Variants in TMEM108 observed in about 807,000 individuals in gnomAD.
The protein encoded by TMEM108 is cancer/testis antigen 124.
In TMEM108, 12 loss-of-function variants were observed where a neutral mutation model predicts 35.1. That is an observed-to-expected ratio of 0.34 (90% CI 0.22 to 0.55). The LOEUF is 0.55. Among genes scored for constraint, TMEM108 ranks in the 20% least tolerant of loss-of-function variants. The pLI is 0.89. For synonymous variants in TMEM108, 287 were observed against 308.6 expected, an observed-to-expected ratio of 0.93 and a Z score of 0.73; for missense variants, 680 against 753.3, an observed-to-expected ratio of 0.90 and a Z score of 1.14.
intron 2 of TMEM108, among the ~76,000 whole-genome samples, chr3:133,135,154 A>G (rs1274366709): frequency 7.1e-6 from 1 of 140,168 alleles, no homozygotes; most frequent in Admixed American, 7.3e-5. Flanking sequence ...TTCATCTGCT[A>G]TCGTTTTTTT....
chr3:133,304,997 C>T lies in TMEM108; in HGVS notation c.41-74755C>T, dbSNP rs184502441. Among the ~76,000 whole-genome samples, 535 of 152,096 alleles carry T rather than the reference C, an allele frequency of 3.5e-3. 7 individuals are homozygous for T. Among genetic ancestry groups the T allele is most frequent in the African/African-American group, 1.0e-2 (413 of 41,468 alleles). ...ACTCGGGAGGCTGAGGCAGGAGAAT[C>T]GCTTGAGCCTGGGAGGCAGAGATTA... is the stretch of plus-strand genomic sequence containing the variant. On this transcript the variant is annotated intron_variant, in intron 3 of 5. Coordinates refer to ENST00000321871, the MANE Select transcript of TMEM108 (RefSeq NM_023943.4).
intron 3 of TMEM108, among the ~76,000 whole-genome samples, chr3:133,271,161 G>A (rs568816756): frequency 2.7e-4 from 41 of 152,028 alleles, no homozygotes; most frequent in Non-Finnish European, 5.1e-4. Context: ...CATCCCCAAG[G>A]GGCCAAAATG....
At chr3:133,192,773 C>T (rs11714776) in intron 2 of TMEM108, 36,294 of 152,158 alleles carry the variant, frequency 0.24, 4,517 homozygotes, top group East Asian at 0.48. Context: ...CAGGAGGAAG[C>T]GGGTGAGGCG....
chr3:133,289,839 C>T (rs111943881), intron 3 of TMEM108, among the ~76,000 whole-genome samples: 2,562 of 152,246 alleles, frequency 0.017, 74 homozygotes, highest in African/African-American at 0.057. Flanking sequence ...CCCTGCATTA[C>T]GTTATGCCAC....
chr3:133,066,660 A>C (rs1467422991), intron 2 of TMEM108, among the ~76,000 whole-genome samples: 1 of 152,164 alleles, frequency 6.6e-6, no homozygotes, highest in Non-Finnish European at 1.5e-5. Flanking sequence ...TTAATCTTTA[A>C]AAAGTTAATT....
chr3:133,052,182 A>G (rs1943413375), intron 2 of TMEM108, among the ~76,000 whole-genome samples: 2 of 152,082 alleles, frequency 1.3e-5, no homozygotes, highest in South Asian at 4.1e-4. Flanking sequence ...AGTTTTCCTC[A>G]TATAGATCTT....
At chr3:133,185,709 A>G (rs1328420896) in intron 2 of TMEM108, among the ~76,000 whole-genome samples, 2 of 151,856 alleles carry the variant, frequency 1.3e-5, no homozygotes. Context: ...CTTGCACCCA[A>G]GAATGAGCAG....
At chr3:133,165,672 G>A (rs1039800179) in intron 2 of TMEM108, among the ~76,000 whole-genome samples, 4 of 152,110 alleles carry the variant, frequency 2.6e-5, no homozygotes, top group African/African-American at 4.8e-5. Flanking sequence ...TGACCATCCC[G>A]CAGGCTGAGA....
intron 3 of TMEM108, among the ~76,000 whole-genome samples, chr3:133,263,190 T>C (rs549061370): frequency 6.6e-6 from 1 of 152,296 alleles, no homozygotes; most frequent in Non-Finnish European, 1.5e-5. Flanking sequence ...TAGAGAAAAA[T>C]AATTGAAATA....
At chr3:133,376,284 G>A (rs755582902) in intron 3 of TMEM108, among the ~76,000 whole-genome samples, 3 of 152,052 alleles carry the variant, frequency 2.0e-5, no homozygotes, top group Non-Finnish European at 2.9e-5. Context: ...CTGGAGTGCC[G>A]CAAAAGTTCT....
chr3:133,159,587 G>A (rs1254372576), intron 2 of TMEM108, among the ~76,000 whole-genome samples: 2 of 152,124 alleles, frequency 1.3e-5, no homozygotes, highest in African/African-American at 2.4e-5. Flanking sequence ...TAACCCATAC[G>A]TACCTCTAAC....
chr3:133,384,544 CCACG>C (rs2073098089), intron 4 of TMEM108, among the ~76,000 whole-genome samples: 2 of 152,238 alleles, frequency 1.3e-5, no homozygotes, highest in African/African-American at 4.8e-5. Flanking sequence ...ACACTCTAAG[CCACG>C]CACGTTTTCA....
At chr3:133,306,511 C>T (rs1426813792) in intron 3 of TMEM108, among the ~76,000 whole-genome samples, 3 of 152,108 alleles carry the variant, frequency 2.0e-5, no homozygotes, top group Non-Finnish European at 4.4e-5. Flanking sequence ...TGTTATCCCT[C>T]CCCCAGCCCC....
At chr3:133,264,808 CA>C (rs1946674614) in intron 3 of TMEM108, among the ~76,000 whole-genome samples, 1 of 152,036 alleles carries the variant, frequency 6.6e-6, no homozygotes, top group Non-Finnish European at 1.5e-5. Flanking sequence ...CTGAAGGGAC[CA>C]AATGAAATAA....
chr3:133,166,085 G>A (rs1945032590), intron 2 of TMEM108, among the ~76,000 whole-genome samples: 1 of 152,200 alleles, frequency 6.6e-6, no homozygotes, highest in Admixed American at 6.5e-5. Flanking sequence ...GCATCTGTGA[G>A]CTGGATGAGT....
intron 3 of TMEM108, among the ~76,000 whole-genome samples, chr3:133,338,652 A>G (rs990600944): frequency 1.4e-5 from 2 of 147,162 alleles, no homozygotes; most frequent in African/African-American, 5.4e-5. Context: ...ACAGAAAAAC[A>G]GAATACTGTA....
chr3:133,327,938 G>A (rs2071350424), intron 3 of TMEM108, among the ~76,000 whole-genome samples: 1 of 152,166 alleles, frequency 6.6e-6, no homozygotes, highest in African/African-American at 2.4e-5. Context: ...TTCCCCACAT[G>A]CTTAACTGAT....
At chr3:133,391,900 C>T (rs1476633043) in intron 5 of TMEM108, among the ~76,000 whole-genome samples, 2 of 152,128 alleles carry the variant, frequency 1.3e-5, no homozygotes, top group African/African-American at 4.8e-5. Context: ...TGCTACTGGT[C>T]TGATATTAGT....
At chr3:133,123,970 G>A (rs1039243899) in intron 2 of TMEM108, among the ~76,000 whole-genome samples, 2 of 152,164 alleles carry the variant, frequency 1.3e-5, no homozygotes, top group Admixed American at 6.5e-5. Context: ...TTAGGAGAAA[G>A]CACCCACTGT....
Sources: gnomAD v4.1 joint callset for allele counts (sites outside exome capture counted in the v4.1 genomes callset) on GRCh38, gnomAD v4.1.1 for gene constraint, MANE v1.5 for transcripts, NCBI Gene and HGNC (gene_info 2026-07-23, HGNC 2026-07-21) for gene names.